FHIT: variants seen among roughly 807,000 people sequenced by gnomAD.
FHIT encodes the protein bis(5'-adenosyl)-triphosphatase.
In FHIT, 19 loss-of-function variants were observed where a neutral mutation model predicts 17.9. The observed-to-expected ratio is 1.06, with a 90% CI of 0.74 to 1.56. The LOEUF is 1.56. FHIT is among the 40% of genes most tolerant of loss of function. The pLI is 0.00. For synonymous variants in FHIT, 81 were observed against 69.7 expected, an observed-to-expected ratio of 1.16 and a Z score of -0.81; for missense variants, 248 against 189.2, an observed-to-expected ratio of 1.31 and a Z score of -1.82.
chr3:59,998,984 G>A (rs758808713), intron 7 of FHIT, among the ~76,000 whole-genome samples: 2 of 152,030 alleles, frequency 1.3e-5, no homozygotes, highest in African/African-American at 4.8e-5. Flanking sequence ...CTCTGAGGCC[G>A]GGCTCCAAAG....
intron 3 of FHIT, among the ~76,000 whole-genome samples, chr3:60,842,735 A>C (rs1330405405): frequency 1.3e-5 from 2 of 150,352 alleles, no homozygotes; most frequent in African/African-American, 4.9e-5. Flanking sequence ...TGATCATTCA[A>C]GTTAATGTGG....
chr3:60,215,974 A>C (rs1703677702), intron 5 of FHIT, among the ~76,000 whole-genome samples: 1 of 152,210 alleles, frequency 6.6e-6, no homozygotes, highest in South Asian at 2.1e-4. Flanking sequence ...CATACACTCC[A>C]AGTATTTGGC....
At chr3:60,657,804 T>G (rs1403332008) in intron 4 of FHIT, among the ~76,000 whole-genome samples, 3 of 152,200 alleles carry the variant, frequency 2.0e-5, no homozygotes, top group African/African-American at 4.8e-5. Context: ...CCACCATCCC[T>G]TAGGTGGTTT....
intron 5 of FHIT, among the ~76,000 whole-genome samples, chr3:60,115,307 CA>C (rs1704905044): frequency 6.6e-6 from 1 of 152,076 alleles, no homozygotes; most frequent in South Asian, 2.1e-4. Context: ...GAGTGCTATT[CA>C]AATCAATATG....
At chr3:60,451,511 T>A (rs939582284) in intron 5 of FHIT, among the ~76,000 whole-genome samples, 1 of 152,142 alleles carries the variant, frequency 6.6e-6, no homozygotes, top group African/African-American at 2.4e-5. Flanking sequence ...TGAAACCATA[T>A]AGTACATACA....
At chr3:60,484,269 G>A (rs1188534832) in intron 5 of FHIT, among the ~76,000 whole-genome samples, 1 of 152,018 alleles carries the variant, frequency 6.6e-6, no homozygotes, top group Admixed American at 6.6e-5. Flanking sequence ...CAGATTCAAT[G>A]TTATTCTCAA....
intron 2 of FHIT, among the ~76,000 whole-genome samples, chr3:61,144,027 C>CAAAAAG (rs1387449673): frequency 2.0e-5 from 3 of 152,102 alleles, no homozygotes; most frequent in Non-Finnish European, 4.4e-5. Context: ...TGCCAATGTG[C>CAAAAAG]TTTTTTATAG....
At chr3:60,283,206 A>C (rs1039772068) in intron 5 of FHIT, among the ~76,000 whole-genome samples, 3 of 152,106 alleles carry the variant, frequency 2.0e-5, no homozygotes, top group African/African-American at 7.2e-5. Context: ...GAACTGATTT[A>C]GGAGAGCGAA....
intron 5 of FHIT, among the ~76,000 whole-genome samples, chr3:60,285,408 A>G (rs1707677317): frequency 6.6e-6 from 1 of 152,140 alleles, no homozygotes; most frequent in Admixed American, 6.6e-5. Context: ...TTTTTAAGTT[A>G]TACTATAGAA....
chr3:59,875,162 G>T (rs776658912), intron 8 of FHIT, among the ~76,000 whole-genome samples: 7 of 152,172 alleles, frequency 4.6e-5, no homozygotes, highest in Non-Finnish European at 8.8e-5. Flanking sequence ...CACGTCTGCA[G>T]GGGCCTCAGA....
chr3:60,684,082 A>T (rs1293700714), intron 4 of FHIT, among the ~76,000 whole-genome samples: 1 of 152,140 alleles, frequency 6.6e-6, no homozygotes, highest in East Asian at 1.9e-4. Flanking sequence ...TATCTTCTTC[A>T]CTGTGGCTGC....
chr3:59,912,195 T>G (rs543187216), intron 8 of FHIT, among the ~76,000 whole-genome samples: 2 of 152,320 alleles, frequency 1.3e-5, no homozygotes, highest in African/African-American at 4.8e-5. Context: ...CCCTCCACAT[T>G]TGAGGTATCT....
intron 5 of FHIT, among the ~76,000 whole-genome samples, chr3:60,042,949 T>C (rs1215567755): frequency 6.6e-6 from 1 of 152,170 alleles, no homozygotes; most frequent in Non-Finnish European, 1.5e-5. Flanking sequence ...CTTGATGAAG[T>C]GTCTACTGTG....
At chr3:60,816,455 T>C (rs1451476503) in intron 4 of FHIT, among the ~76,000 whole-genome samples, 4 of 152,132 alleles carry the variant, frequency 2.6e-5, no homozygotes, top group Non-Finnish European at 2.9e-5. Context: ...TGAAGGGATG[T>C]TGGATTATAG....
At chr3:60,087,134 A>C (rs1238979371) in intron 5 of FHIT, among the ~76,000 whole-genome samples, 1 of 152,170 alleles carries the variant, frequency 6.6e-6, no homozygotes, top group South Asian at 2.1e-4. Flanking sequence ...AGCCTGAGCT[A>C]TATCTGGGGC....
At chr3:61,049,866 AT>A (rs2033961412) in intron 2 of FHIT, among the ~76,000 whole-genome samples, 1 of 152,158 alleles carries the variant, frequency 6.6e-6, no homozygotes, top group African/African-American at 2.4e-5. Flanking sequence ...TCATAAGACC[AT>A]TTTAGAGGTG....
intron 5 of FHIT, among the ~76,000 whole-genome samples, chr3:60,491,561 C>A (rs2034070082): frequency 6.6e-6 from 1 of 152,156 alleles, no homozygotes; most frequent in Admixed American, 6.5e-5. Flanking sequence ...ATTCATATAA[C>A]ATGCCAGCTT....
chr3:60,357,433 C>T (rs989549936), intron 5 of FHIT, among the ~76,000 whole-genome samples: 3 of 152,018 alleles, frequency 2.0e-5, no homozygotes, highest in African/African-American at 7.2e-5. Flanking sequence ...TTAGTAGAGA[C>T]AGGGTTTCGC....
chr3:59,824,760 T>A (rs958766666), intron 8 of FHIT, among the ~76,000 whole-genome samples: 13 of 152,210 alleles, frequency 8.5e-5, no homozygotes, highest in Admixed American at 3.9e-4. Flanking sequence ...GTTAAATCAA[T>A]ATGTTCAAAG....
Sources: allele counts gnomAD v4.1 joint callset (sites outside exome capture counted in the v4.1 genomes callset), GRCh38; gene constraint gnomAD v4.1.1; transcripts MANE v1.5; gene names NCBI Gene and HGNC (gene_info 2026-07-23, HGNC 2026-07-21).